The following NWD1 variants were observed in gnomAD, a reference collection of about 807,000 sequenced individuals.
The protein encoded by NWD1 is NACHT and WD repeat domain containing 1, also known as NACHT domain- and WD repeat-containing protein 1.
Under a neutral mutation model 135.1 loss-of-function variants are expected in NWD1, and 129 were observed. The observed-to-expected ratio is 0.96, with a 90% CI of 0.83 to 1.11. NWD1 has a LOEUF of 1.11. Ranked by LOEUF, NWD1 falls within the 50% of genes least tolerant of loss-of-function variation. The pLI is 0.00. For missense variants in NWD1, 1,740 were observed against 1,851.3 expected (o/e 0.94, Z 1.10); for synonymous variants, 773 against 786.0 (o/e 0.98, Z 0.28).
At chr19:16,760,694 G>T (rs550316042) in intron 7 of NWD1, among the ~76,000 whole-genome samples, 1 of 152,160 alleles carries the variant, frequency 6.6e-6, no homozygotes, top group African/African-American at 2.4e-5. Flanking sequence ...AGGTTTCAGC[G>T]ATTCTCCTGC....
chr19:16,731,206 A>T lies in NWD1; in HGVS notation c.9A>T (p.Arg3Ser), dbSNP rs1341254199. 1.3e-6 allele frequency: 2 copies of T among 1,531,136 alleles called. No homozygotes were observed. Among genetic ancestry groups the T allele is most frequent in the Admixed American group, 2.0e-5 (1 of 50,962 alleles). The allele number at this position is 1,531,136 out of a possible 1,614,324, so 94.8% of individuals were successfully genotyped here. Reference sequence around the variant, plus strand: ...CTTCCTTGCAGATATGGATGCAGAGAGGGAAGCCCTGCAGAGCACTGCCTA... The same window carrying T: ...CTTCCTTGCAGATATGGATGCAGAGTGGGAAGCCCTGCAGAGCACTGCCTA... MQ[R>S]GKPCRALPTL... The change falls in exon 3 of 19, where the codon AGA (arginine) becomes AGT (serine). Residue 3 changes from arginine (R) to serine (S), a missense_variant. Coordinates refer to ENST00000524140, the MANE Select transcript of NWD1 (RefSeq NM_001007525.5).
Position 16,760,113 on chromosome 19 carries a change from C to T in NWD1, c.1973+685C>T, listed in dbSNP as rs375588027. Among the ~76,000 whole-genome samples, 9 of 152,086 alleles carry T rather than the reference C, an allele frequency of 5.9e-5. No individual in the cohort carries two copies. In the Middle Eastern group the frequency reaches 0.014, roughly 230 times the overall value. ...GAGGCCACACTGAGCCGTGACTGTA[C>T]CACTGCACTCCAGTCTGGGTGACAG... On this transcript the variant is annotated intron_variant, in intron 7 of 18. Transcript: ENST00000524140.
intron 4 of NWD1, among the ~76,000 whole-genome samples, chr19:16,743,707 G>A (rs923666543): frequency 1.3e-4 from 20 of 148,362 alleles, no homozygotes; most frequent in African/African-American, 5.0e-4. Flanking sequence ...TTTTGAGACA[G>A]AGTCTTACTC....
At chr19:16,786,476 T>G (rs1970044654) in intron 12 of NWD1, among the ~76,000 whole-genome samples, 1 of 152,112 alleles carries the variant, frequency 6.6e-6, no homozygotes, top group South Asian at 2.1e-4. Context: ...GGAATTTTGT[T>G]AGCCCTTGAC....
rs756540559 is a variant in NWD1 at position 16,763,874 on chromosome 19, G to A, written c.2180G>A (p.Arg727Gln). 29 of 1,613,876 alleles carry A rather than the reference G, an allele frequency of 1.8e-5. No homozygotes were observed. Among genetic ancestry groups the A allele is most frequent in the Admixed American group, 3.3e-5 (2 of 59,964 alleles). ...TTCTCACATACGGTTGCAAACCTGC[G>A]GAAGCTGAAGGAGTTGCCCTATCAC... ...LWFSHTVANL[R>Q]KLKELPYHLL... is the part of the protein sequence containing the mutation. The change falls in exon 9 of 19, where the codon CGG (arginine) becomes CAG (glutamine). Residue 727 changes from arginine to glutamine, a missense_variant. Transcript: ENST00000524140.
At chr19:16,747,946 AT>A (rs1021972152) in intron 5 of NWD1, among the ~76,000 whole-genome samples, 3 of 152,102 alleles carry the variant, frequency 2.0e-5, no homozygotes, top group Admixed American at 2.0e-4. Context: ...GAAGGACCAT[AT>A]TTTGTTTATC....
At chr19:16,746,486 A>G (rs1214508834) in intron 5 of NWD1, among the ~76,000 whole-genome samples, 2 of 152,048 alleles carry the variant, frequency 1.3e-5, no homozygotes, top group East Asian at 3.9e-4. Context: ...CAGCCTGGCC[A>G]AAATAGTGAA....
chr19:16,770,455 T>G (rs915508577), intron 10 of NWD1, among the ~76,000 whole-genome samples: 4 of 152,154 alleles, frequency 2.6e-5, no homozygotes, highest in African/African-American at 9.7e-5. Context: ...TTAAACCTCT[T>G]TCCTTTATAA....
At chr19:16,731,156 C>T (rs1252417170) in intron 2 of NWD1, 36 bp from the exon 3 acceptor site, 2 of 1,117,020 alleles carry the variant, frequency 1.8e-6, no homozygotes, top group Non-Finnish European at 2.6e-6. Flanking sequence ...AGTTCTGAGT[C>T]CTTTCCACTA....
chr19:16,735,843 A>AAGG (rs1967781816), intron 3 of NWD1, among the ~76,000 whole-genome samples: 1 of 52,606 alleles, frequency 1.9e-5, no homozygotes, highest in Non-Finnish European at 4.5e-5. Context: ...GGAAGGAAGG[A>AAGG]AGGAAGGAAG....
In NWD1 at chr19:16,807,679, G is replaced by A. The variant is rs1163756950; in HGVS notation, c.3830G>A (p.Gly1277Glu). Reference sequence around the variant, plus strand: ...CTCCTATTTACGGGCCTCGTGTCGGGGGTCGTCCTTGTGTTCCCCCTGAAT... The same window carrying A: ...CTCCTATTTACGGGCCTCGTGTCGGAGGTCGTCCTTGTGTTCCCCCTGAAT... ...RKLLFTGLVSGVVLVFPLNSR... is the reference protein window; with the variant it reads ...RKLLFTGLVSEVVLVFPLNSR... Residue 1277 changes from glycine (G) to glutamate (E), a missense_variant, in exon 18 of 19, where the codon GGG becomes GAG. Coordinates refer to ENST00000524140, the MANE Select transcript of NWD1 (RefSeq NM_001007525.5). 3.1e-6 allele frequency: 5 copies of A among 1,611,264 alleles called. No homozygotes were observed. In the African/African-American group the frequency reaches 4.0e-5, roughly 13 times the overall value.
At chr19:16,803,725 T>C (rs978362455) in intron 17 of NWD1, among the ~76,000 whole-genome samples, 2 of 148,588 alleles carry the variant, frequency 1.3e-5, no homozygotes, top group Non-Finnish European at 3.0e-5. Context: ...GAGACCAGCC[T>C]GGCCAACATG....
intron 12 of NWD1, among the ~76,000 whole-genome samples, chr19:16,787,463 C>T (rs574229818): frequency 9.2e-5 from 14 of 152,278 alleles, no homozygotes; most frequent in African/African-American, 3.4e-4. Context: ...TGACTCCCAA[C>T]CAGTTGTGGC....
chr19:16,784,984 A>G (rs1484992405), intron 12 of NWD1, among the ~76,000 whole-genome samples: 1 of 151,824 alleles, frequency 6.6e-6, no homozygotes, highest in South Asian at 2.1e-4. Context: ...CAGGGGCCAC[A>G]TGGTGTGCGA....
At chr19:16,807,436 T>C in intron 17 of NWD1, 150 bp from the exon 18 acceptor site, 1 of 591,160 alleles carries the variant, frequency 1.7e-6, no homozygotes. Context: ...GAGGTTACGG[T>C]GACCTGAGAT....
intron 4 of NWD1, among the ~76,000 whole-genome samples, chr19:16,741,430 A>G (rs1599444967): frequency 6.9e-6 from 1 of 144,172 alleles, no homozygotes; most frequent in African/African-American, 2.6e-5. Flanking sequence ...CAGTGGCACC[A>G]TGTCGGTTCA....
chr19:16,806,790 G>T (rs534503108), intron 17 of NWD1, among the ~76,000 whole-genome samples: 2 of 151,800 alleles, frequency 1.3e-5, no homozygotes, highest in Admixed American at 1.3e-4. Flanking sequence ...CGAGGCGGGC[G>T]GATCACTTGA....
At chr19:16,761,378 C>CT (rs1969006785) in intron 7 of NWD1, among the ~76,000 whole-genome samples, 1 of 139,566 alleles carries the variant, frequency 7.2e-6, no homozygotes, top group Middle Eastern at 3.3e-3. Flanking sequence ...CCTTCTTTCT[C>CT]TTTTTTTCCT....
intron 17 of NWD1, among the ~76,000 whole-genome samples, chr19:16,805,992 C>T (rs978775824): frequency 2.6e-5 from 4 of 151,954 alleles, no homozygotes; most frequent in African/African-American, 9.7e-5. Context: ...CCTCAGCCTC[C>T]CTTCCAAGTA....
Sources: gnomAD v4.1 joint callset for allele counts (sites outside exome capture counted in the v4.1 genomes callset) on GRCh38, gnomAD v4.1.1 for gene constraint, MANE v1.5 for transcripts, NCBI Gene and HGNC (gene_info 2026-07-23, HGNC 2026-07-21) for gene names.